The following ERC1 variants were observed in gnomAD, a reference collection of about 807,000 sequenced individuals.
The protein encoded by ERC1 is RAB6 interacting protein 2.
A neutral mutation model predicts 132.0 loss-of-function variants in ERC1; 56 were observed. That is an observed-to-expected ratio of 0.42 (90% CI 0.34 to 0.53). ERC1 has a LOEUF of 0.53. Among genes scored for constraint, ERC1 ranks in the 20% least tolerant of loss-of-function variants. ERC1 has a pLI of 0.03. For missense variants in ERC1, 1,202 were observed against 1,349.9 expected (o/e 0.89, Z 1.72); for synonymous variants, 478 against 476.1 (o/e 1.00, Z -0.05).
At chr12:1,097,188 T>A (rs1944143283) in intron 3 of ERC1, among the ~76,000 whole-genome samples, 1 of 152,238 alleles carries the variant, frequency 6.6e-6, no homozygotes, top group Admixed American at 6.5e-5. Flanking sequence ...TTCAGTGGAA[T>A]GACTTCTCTC....
At chr12:1,051,534 A>ACC (rs1971989705) in intron 2 of ERC1, among the ~76,000 whole-genome samples, 1 of 21,156 alleles carries the variant, frequency 4.7e-5, no homozygotes, top group African/African-American at 9.7e-5. Context: ...TACCCCAAAA[A>ACC]AAAAAAAAAA....
rs191768856 is a variant in ERC1, at chr12:1,149,665, C to G, written c.1737+7878C>G. Among the ~76,000 whole-genome samples the G allele has an allele frequency of 3.3e-3, 509 of 152,238 alleles. 3 individuals carry two copies. Among genetic ancestry groups the G allele is most frequent in the African/African-American group, 0.012 (487 of 41,554 alleles). ...CTGCCCACCTCGGCCTCCCAAAGTG[C>G]TACGATTACAGGCATGAGCCACCAT... is the stretch of plus-strand genomic sequence containing the variant. On this transcript the variant is annotated intron_variant, in intron 8 of 18. Transcript: ENST00000360905.
intron 15 of ERC1, among the ~76,000 whole-genome samples, chr12:1,360,877 G>A (rs560559325): frequency 1.3e-5 from 2 of 152,194 alleles, no homozygotes; most frequent in South Asian, 4.2e-4. Flanking sequence ...GAGCCCAGGA[G>A]AGCAGCCTGG....
chr12:1,130,053 A>T (rs955836246), intron 7 of ERC1, among the ~76,000 whole-genome samples: 4 of 152,244 alleles, frequency 2.6e-5, no homozygotes, highest in African/African-American at 4.8e-5. Flanking sequence ...ATGTTGCTAA[A>T]TAATACAGCA....
At chr12:1,410,177 T>C (rs915632108) in intron 17 of ERC1, among the ~76,000 whole-genome samples, 6 of 152,256 alleles carry the variant, frequency 3.9e-5, no homozygotes, top group African/African-American at 1.4e-4. Context: ...TCATCCACGG[T>C]TGGTTGAATC....
chr12:1,404,886 C>T (rs1212359217), intron 16 of ERC1, among the ~76,000 whole-genome samples: 3 of 152,138 alleles, frequency 2.0e-5, no homozygotes, highest in African/African-American at 7.2e-5. Context: ...TGCCTGTAAT[C>T]CCAGCACTTT....
chr12:1,133,596 C>A (rs374030018), intron 7 of ERC1, among the ~76,000 whole-genome samples: 3 of 152,192 alleles, frequency 2.0e-5, no homozygotes, highest in African/African-American at 7.2e-5. Flanking sequence ...TTTCTTTTAA[C>A]TGAATCAATA....
At chr12:1,104,146 A>G (rs556560811) in intron 3 of ERC1, among the ~76,000 whole-genome samples, 2 of 150,642 alleles carry the variant, frequency 1.3e-5, no homozygotes, top group Non-Finnish European at 3.0e-5. Context: ...AAAAAAAGCT[A>G]TGTTTTTCTG....
intron 3 of ERC1, among the ~76,000 whole-genome samples, chr12:1,101,298 T>C (rs993755314): frequency 6.6e-6 from 1 of 152,176 alleles, no homozygotes; most frequent in South Asian, 2.1e-4. Context: ...TCCGAAGTTA[T>C]ATAGACAAGA....
intron 1 of ERC1, among the ~76,000 whole-genome samples, chr12:996,629 G>C (rs1404368014): frequency 6.6e-6 from 1 of 151,938 alleles, no homozygotes; most frequent in Non-Finnish European, 1.5e-5. Context: ...GAACAAAATA[G>C]GCAACCTGGG....
intron 8 of ERC1, among the ~76,000 whole-genome samples, chr12:1,143,202 C>T (rs1041356862): frequency 6.6e-6 from 1 of 152,072 alleles, no homozygotes; most frequent in East Asian, 1.9e-4. Context: ...CTGCACCAGC[C>T]CACCTTTTTT....
intron 12 of ERC1, among the ~76,000 whole-genome samples, chr12:1,206,468 C>G (rs925499295): frequency 6.6e-6 from 1 of 152,006 alleles, no homozygotes; most frequent in African/African-American, 2.4e-5. Flanking sequence ...TTTTATTCCT[C>G]TCTTCTCCCT....
chr12:1,204,548 T>G (rs2154287016), intron 12 of ERC1: 1 of 1,574,476 alleles, frequency 6.4e-7, no homozygotes, highest in Non-Finnish European at 8.6e-7. Context: ...GATGATGTGA[T>G]TGAGCGTTGT....
chr12:1,351,909 G>A (rs978946443), intron 15 of ERC1, among the ~76,000 whole-genome samples: 16 of 151,720 alleles, frequency 1.1e-4, no homozygotes. Context: ...CTTAATATTT[G>A]AATATTTAAA....
At chr12:1,029,196 A>G (rs942777588) in intron 2 of ERC1, among the ~76,000 whole-genome samples, 1 of 152,128 alleles carries the variant, frequency 6.6e-6, no homozygotes, top group South Asian at 2.1e-4. Context: ...TACTAAAAAT[A>G]CAAAAATTAG....
At chr12:1,332,169 G>A (rs2082914189) in intron 15 of ERC1, among the ~76,000 whole-genome samples, 2 of 151,930 alleles carry the variant, frequency 1.3e-5, no homozygotes, top group African/African-American at 4.8e-5. Context: ...TTGGTTGGGG[G>A]AACAAAATAT....
At chr12:1,448,038 A>G (rs952896519) in intron 18 of ERC1, among the ~76,000 whole-genome samples, 18 of 151,856 alleles carry the variant, frequency 1.2e-4, no homozygotes, top group African/African-American at 3.6e-4. Flanking sequence ...TACCAAGGGG[A>G]AAAAAAAATC....
At chr12:1,271,505 G>A (rs1350254548) in intron 14 of ERC1, among the ~76,000 whole-genome samples, 2 of 152,150 alleles carry the variant, frequency 1.3e-5, no homozygotes, top group African/African-American at 2.4e-5. Flanking sequence ...TGGTATTAAA[G>A]AAATGTTAGC....
chr12:1,084,512 T>C (rs1942686531), intron 3 of ERC1, among the ~76,000 whole-genome samples: 1 of 152,170 alleles, frequency 6.6e-6, no homozygotes, highest in Non-Finnish European at 1.5e-5. Flanking sequence ...GTGAGGGCAT[T>C]TTTATTTTTG....
Sources: gnomAD v4.1 joint callset for allele counts (sites outside exome capture counted in the v4.1 genomes callset) on GRCh38, gnomAD v4.1.1 for gene constraint, MANE v1.5 for transcripts, NCBI Gene and HGNC (gene_info 2026-07-23, HGNC 2026-07-21) for gene names.